SLC44A5: variants seen among roughly 807,000 people sequenced by gnomAD.
The protein encoded by SLC44A5 is choline transporter-like protein 5.
A neutral mutation model predicts 101.8 loss-of-function variants in SLC44A5; 57 were observed. That is an observed-to-expected ratio of 0.56 (90% CI 0.45 to 0.70). The LOEUF (loss-of-function observed/expected upper bound fraction) is 0.70, where lower values mean the gene tolerates loss of function less well. SLC44A5 is among the 30% of genes least tolerant of loss of function. The probability of loss-of-function intolerance (pLI) is 0.00; values close to 1 mark genes in which losing one functional copy is unlikely to be tolerated. For synonymous variants in SLC44A5, 281 were observed against 290.9 expected (o/e 0.97, Z 0.35); for missense variants, 737 against 853.1 (o/e 0.86, Z 1.70).
intron 6 of SLC44A5, among the ~76,000 whole-genome samples, chr1:75,268,339 C>A (rs1214866936): frequency 6.6e-6 from 1 of 152,192 alleles, no homozygotes; most frequent in African/African-American, 2.4e-5. Flanking sequence ...CCCGTAACCA[C>A]AAGGTAACTA....
intron 4 of SLC44A5, among the ~76,000 whole-genome samples, chr1:75,320,063 AAAACAT>A (rs1301181595): frequency 1.3e-5 from 2 of 152,172 alleles, no homozygotes; most frequent in African/African-American, 4.8e-5. Context: ...TAATTACTCA[AAAACAT>A]AAAAATGTGT....
chr1:75,534,631 C>T (rs1014464049), intron 2 of SLC44A5, among the ~76,000 whole-genome samples: 1 of 152,188 alleles, frequency 6.6e-6, no homozygotes, highest in African/African-American at 2.4e-5. Context: ...ACAGATTATT[C>T]TAATTCCACT....
intron 2 of SLC44A5, among the ~76,000 whole-genome samples, chr1:75,448,906 C>G (rs939755692): frequency 3.9e-5 from 6 of 152,118 alleles, no homozygotes; most frequent in Admixed American, 2.6e-4. Context: ...CTAGTCTCAC[C>G]TCTCACTATT....
chr1:75,229,024 T>C (rs931022873), intron 12 of SLC44A5, among the ~76,000 whole-genome samples: 4 of 151,874 alleles, frequency 2.6e-5, no homozygotes, highest in African/African-American at 4.8e-5. Flanking sequence ...GCTCACTATG[T>C]TTTCTTTTTT....
chr1:75,717,634 A>G, the SLC44A5 span, among the ~76,000 whole-genome samples: 384 of 152,336 alleles, frequency 2.5e-3, 2 homozygotes, highest in African/African-American at 8.7e-3. Context: ...AATAAGGTGA[A>G]TTTAAAAATA....
chr1:75,494,825 A>G (rs1668588828), intron 2 of SLC44A5, among the ~76,000 whole-genome samples: 1 of 152,212 alleles, frequency 6.6e-6, no homozygotes, highest in African/African-American at 2.4e-5. Context: ...CCCAGCTTCC[A>G]GCTTCTCCAT....
intron 1 of SLC44A5, among the ~76,000 whole-genome samples, chr1:75,600,596 A>G (rs935356889): frequency 6.6e-6 from 1 of 152,212 alleles, no homozygotes; most frequent in African/African-American, 2.4e-5. Flanking sequence ...AAGTACAGTC[A>G]TGTGCCACAT....
chr1:75,475,413 G>T (rs182419055), intron 2 of SLC44A5, among the ~76,000 whole-genome samples: 30 of 152,138 alleles, frequency 2.0e-4, no homozygotes, highest in African/African-American at 7.2e-4. Flanking sequence ...CTCAATTAGC[G>T]ATTGAGTTTA....
Position 75,560,871 on chromosome 1 carries a change from T to C in SLC44A5, c.-69-19355A>G, listed in dbSNP as rs183375044. ...CTAATTTAGTTACCTTTTAAAGGTA[T>C]GTTTTCAGTATATACCAATAAATAC... On this transcript the variant is annotated intron_variant, in intron 1 of 23. Transcript: ENST00000370859. Among the ~76,000 whole-genome samples the C allele has an allele frequency of 4.5e-3, 688 of 152,338 alleles. 7 individuals carry two copies. Among genetic ancestry groups the C allele is most frequent in the African/African-American group, 0.016 (662 of 41,588 alleles).
chr1:75,680,605 C>T, the SLC44A5 span, among the ~76,000 whole-genome samples: 1 of 151,054 alleles, frequency 6.6e-6, no homozygotes, highest in African/African-American at 2.4e-5. Context: ...GGGACGCATT[C>T]AAAGCAGTGT....
chr1:75,625,394 C>T, the SLC44A5 span, among the ~76,000 whole-genome samples: 2 of 151,992 alleles, frequency 1.3e-5, no homozygotes, highest in Admixed American at 6.6e-5. Context: ...AAGAAAGATC[C>T]CTTTTCTCTA....
At chr1:75,615,383 TAGAAG>T (rs1165601542), upstream of SLC44A5, among the ~76,000 whole-genome samples, 2 of 145,744 alleles carry the variant, frequency 1.4e-5, no homozygotes, top group Admixed American at 1.4e-4. Flanking sequence ...AAGAAAAGAA[TAGAAG>T]AGACCATGAA....
chr1:75,633,270 G>A, the SLC44A5 span, among the ~76,000 whole-genome samples: 117 of 152,270 alleles, frequency 7.7e-4, 1 homozygote, highest in African/African-American at 2.5e-3. Context: ...GGCATTCGTA[G>A]CTTGATGGGG....
intron 3 of SLC44A5, among the ~76,000 whole-genome samples, chr1:75,370,309 T>A (rs763819845): frequency 1.3e-5 from 2 of 152,214 alleles, no homozygotes; most frequent in Non-Finnish European, 2.9e-5. Flanking sequence ...TAATAATTTG[T>A]TTATTGAAAT....
chr1:75,631,345 T>C, the SLC44A5 span, among the ~76,000 whole-genome samples: 2 of 152,022 alleles, frequency 1.3e-5, no homozygotes, highest in South Asian at 2.1e-4. Flanking sequence ...ACTGCTAGGG[T>C]ATCTGTGACT....
intron 6 of SLC44A5, among the ~76,000 whole-genome samples, chr1:75,271,497 T>TTGTG (rs4035634): frequency 0.028 from 4,150 of 146,240 alleles, 94 homozygotes; most frequent in African/African-American, 0.052. Context: ...TCTGCATGTT[T>TTGTG]TGTGTGTGTG....
chr1:75,478,623 T>A (rs1294135501), intron 2 of SLC44A5, among the ~76,000 whole-genome samples: 1 of 151,862 alleles, frequency 6.6e-6, no homozygotes, highest in Non-Finnish European at 1.5e-5. Context: ...TAAAACAGAC[T>A]TCAAACCAAC....
At chr1:75,414,229 G>T (rs1241322193) in intron 2 of SLC44A5, among the ~76,000 whole-genome samples, 1 of 151,420 alleles carries the variant, frequency 6.6e-6, no homozygotes, top group African/African-American at 2.4e-5. Flanking sequence ...CACTGACTTG[G>T]TCAAGATCAA....
At chr1:75,260,431 G>T (rs1232178554) in intron 6 of SLC44A5, among the ~76,000 whole-genome samples, 2 of 152,004 alleles carry the variant, frequency 1.3e-5, no homozygotes, top group African/African-American at 2.4e-5. Flanking sequence ...ACAAAGAAGG[G>T]CATTACATAC....
Sources: allele counts gnomAD v4.1 joint callset (sites outside exome capture counted in the v4.1 genomes callset), GRCh38; gene constraint gnomAD v4.1.1; transcripts MANE v1.5; gene names NCBI Gene and HGNC (gene_info 2026-07-23, HGNC 2026-07-21).